The following ALPK2 variants were observed in gnomAD, a reference collection of about 807,000 sequenced individuals.
The protein encoded by ALPK2 is alpha kinase 2, also known as alpha-protein kinase 2.
ALPK2 carries 127 observed loss-of-function variants against 163.1 expected under a neutral mutation model. The ratio of observed to expected loss-of-function variants is 0.78; its 90% CI spans 0.67 to 0.90. ALPK2 has a LOEUF of 0.90. ALPK2 is among the 40% of genes least tolerant of loss of function. The pLI is 0.00. For synonymous variants in ALPK2, 953 were observed against 959.1 expected, an observed-to-expected ratio of 0.99 and a Z score of 0.12; for missense variants, 2,360 against 2,589.6, an observed-to-expected ratio of 0.91 and a Z score of 1.92.
chr18:58,545,900 T>C (rs1455328321), intron 4 of ALPK2, among the ~76,000 whole-genome samples: 1 of 152,182 alleles, frequency 6.6e-6, no homozygotes. Flanking sequence ...CTTTCCTAAA[T>C]ATCTGCTGAG....
chr18:58,517,579 C>A (rs373697989), intron 8 of ALPK2, among the ~76,000 whole-genome samples: 57 of 152,096 alleles, frequency 3.7e-4, no homozygotes, highest in African/African-American at 1.2e-3. Context: ...ACCTTTCTTT[C>A]ATTATTGCCC....
intron 4 of ALPK2, among the ~76,000 whole-genome samples, chr18:58,545,414 G>C (rs983814690): frequency 2.0e-5 from 3 of 152,216 alleles, no homozygotes; most frequent in African/African-American, 7.2e-5. Context: ...AGCTGGAAGG[G>C]GACAGTGTCC....
chr18:58,580,714 G>T, intron 3 of ALPK2, 166 bp from the exon 4 acceptor site: 1 of 668,508 alleles, frequency 1.5e-6, no homozygotes, highest in Non-Finnish European at 2.5e-6. Context: ...TGACCTCTGG[G>T]CTCCGGTGCC....
At chr18:58,524,819 A>G (rs2051575767) in intron 6 of ALPK2, among the ~76,000 whole-genome samples, 1 of 152,176 alleles carries the variant, frequency 6.6e-6, no homozygotes, top group Non-Finnish European at 1.5e-5. Context: ...AAATTTAAGC[A>G]AATGATTTTG....
chr18:58,556,172 C>A (rs984065799), intron 4 of ALPK2, among the ~76,000 whole-genome samples: 3 of 151,210 alleles, frequency 2.0e-5, no homozygotes, highest in African/African-American at 4.9e-5. Flanking sequence ...CTAGATCTCA[C>A]ACACACACAC....
intron 3 of ALPK2, among the ~76,000 whole-genome samples, chr18:58,585,447 G>T (rs536948635): frequency 6.9e-4 from 105 of 152,154 alleles, no homozygotes; most frequent in African/African-American, 2.4e-3. Flanking sequence ...AAGATGGTTG[G>T]ATTTTTGTAT....
chr18:58,607,307 G>T lies in ALPK2; in HGVS notation c.227+15C>A. 1 of 1,554,792 alleles carries T rather than the reference G, an allele frequency of 6.4e-7. No individual in the cohort carries two copies. Among genetic ancestry groups the T allele is most frequent in the Non-Finnish European group, 8.9e-7 (1 of 1,129,278 alleles). On this transcript the variant is annotated intron_variant, in intron 3 of 12. Coordinates refer to ENST00000361673, the MANE Select transcript of ALPK2 (RefSeq NM_052947.4). Reference sequence around the variant, plus strand: ...AGGATATTAGTAAACAGTCCACAGGGGTATAGCCACTTACCAAGAGAGATG... The same window carrying T: ...AGGATATTAGTAAACAGTCCACAGGTGTATAGCCACTTACCAAGAGAGATG...
intron 4 of ALPK2, among the ~76,000 whole-genome samples, chr18:58,573,957 G>A (rs1393040867): frequency 1.3e-5 from 2 of 152,088 alleles, no homozygotes; most frequent in East Asian, 1.9e-4. Flanking sequence ...ATGTTTTCCA[G>A]GTGAGGAAAC....
At chr18:58,558,940 T>A (rs2051809003) in intron 4 of ALPK2, among the ~76,000 whole-genome samples, 1 of 152,198 alleles carries the variant, frequency 6.6e-6, no homozygotes, top group Non-Finnish European at 1.5e-5. Context: ...GGAGAGGAAG[T>A]GACTGTTAAT....
intron 10 of ALPK2, among the ~76,000 whole-genome samples, chr18:58,514,360 C>G (rs570949039): frequency 6.6e-6 from 1 of 152,280 alleles, no homozygotes; most frequent in African/African-American, 2.4e-5. Flanking sequence ...CATGCACTAG[C>G]TAAGCCCTTT....
chr18:58,523,749 A>C, intron 8 of ALPK2, 57 bp downstream of exon 8: 1 of 1,607,510 alleles, frequency 6.2e-7, no homozygotes, highest in South Asian at 1.1e-5. Context: ...TCTGGGAGCT[A>C]TTTTATGCTT....
intron 11 of ALPK2, among the ~76,000 whole-genome samples, chr18:58,501,471 G>A (rs1251995059): frequency 2.0e-5 from 3 of 152,190 alleles, no homozygotes; most frequent in Non-Finnish European, 2.9e-5. Context: ...TCTGCAAGGC[G>A]GTAATGTTGC....
intron 12 of ALPK2, among the ~76,000 whole-genome samples, chr18:58,490,980 CAAAG>C (rs2051371833): frequency 6.6e-6 from 1 of 152,228 alleles, no homozygotes; most frequent in Non-Finnish European, 1.5e-5. Context: ...GAATTGAAGA[CAAAG>C]AACCGAGGAG....
chr18:58,558,924 A>C (rs188826361), intron 4 of ALPK2, among the ~76,000 whole-genome samples: 4 of 152,350 alleles, frequency 2.6e-5, no homozygotes, highest in Non-Finnish European at 5.9e-5. Context: ...GGCTGGGGGA[A>C]GAAGGGGAGA....
intron 10 of ALPK2, among the ~76,000 whole-genome samples, chr18:58,507,708 A>G (rs1048150699): frequency 6.6e-6 from 1 of 152,296 alleles, no homozygotes; most frequent in African/African-American, 2.4e-5. Flanking sequence ...AAATTATGAC[A>G]GTGAAAGTGA....
At chr18:58,495,177 T>A (rs776414485) in intron 12 of ALPK2, among the ~76,000 whole-genome samples, 99 of 152,346 alleles carry the variant, frequency 6.5e-4, no homozygotes, top group South Asian at 1.2e-3. Context: ...TTTGGAGAAG[T>A]TTTACCTTTT....
At chr18:58,505,167 G>A (rs753031105) in intron 10 of ALPK2, among the ~76,000 whole-genome samples, 2 of 152,148 alleles carry the variant, frequency 1.3e-5, no homozygotes, top group African/African-American at 2.4e-5. Context: ...TAGGCCAGGG[G>A]CAGGGCAGGG....
chr18:58,536,065 T>C lies in ALPK2; in HGVS notation c.4122A>G (p.Gln1374=), dbSNP rs750548449. ...GGKENVNNVS[Q]DQEEKQLKMD... is the part of the protein sequence containing the mutation. ...TCTTGAGTTGTTTTTCCTCCTGGTC[T>C]TGACTCACATTGTTAACATTTTCCT... is the stretch of plus-strand genomic sequence containing the variant. Residue 1374 remains glutamine (Q), a synonymous_variant, in exon 5 of 13, where the codon CAA becomes CAG. Transcript: ENST00000361673. 4.8e-5 allele frequency: 77 copies of C among 1,614,086 alleles called. No homozygotes were observed. The highest frequency in any genetic ancestry group is 6.4e-5 in the Non-Finnish European group (75 of 1,180,034).
intron 4 of ALPK2, among the ~76,000 whole-genome samples, chr18:58,547,919 G>T (rs1602212015): frequency 6.6e-6 from 1 of 152,152 alleles, no homozygotes; most frequent in African/African-American, 2.4e-5. Context: ...TTCTTAGTCA[G>T]GTTCTAGGAG....
Sources: allele counts gnomAD v4.1 joint callset (sites outside exome capture counted in the v4.1 genomes callset), GRCh38; gene constraint gnomAD v4.1.1; transcripts MANE v1.5; gene names NCBI Gene and HGNC (gene_info 2026-07-23, HGNC 2026-07-21).